Variants in ITPKB observed in about 807,000 individuals in gnomAD.
ITPKB encodes the protein inositol-trisphosphate 3-kinase B, also known as IP3 3-kinase B.
In ITPKB, 13 loss-of-function variants were observed where a neutral mutation model predicts 69.4. The observed-to-expected ratio is 0.19, with a 90% CI of 0.12 to 0.30. The LOEUF (loss-of-function observed/expected upper bound fraction) is 0.30. Ranked by LOEUF, ITPKB falls within the 10% of genes least tolerant of loss-of-function variation. The pLI, the probability that ITPKB is intolerant of heterozygous loss-of-function variation, is 1.00. For missense variants in ITPKB, 1,240 were observed against 1,250.5 expected (o/e 0.99, Z 0.13); for synonymous variants, 584 against 513.7 (o/e 1.14, Z -1.85).
Position 226,647,213 on chromosome 1 carries a change from C to A in ITPKB, c.2200G>T (p.Ala734Ser). The A allele has an allele frequency of 6.2e-7, 1 of 1,614,238 alleles. No individual in the cohort carries two copies. The highest frequency in any genetic ancestry group is 1.6e-4 in the Middle Eastern group (1 of 6,062). Residue 734 changes from alanine to serine, a missense_variant, in exon 4 of 8, where the codon GCC (alanine) becomes TCC (serine). This residue lies in a region of ITPKB where 248 missense variants were observed against 396.7 expected (regional missense o/e 0.63). Coordinates refer to ENST00000429204, the MANE Select transcript of ITPKB (RefSeq NM_002221.4). The part of the protein sequence containing the change: ...ERYNQMDDLL[A>S]DFDSPCVMDC... ...ATCACACAGGGCGAGTCGAAGTCGG[C>A]CAGCAGGTCGTCCATCTGGTTGTAG...
chr1:226,658,739 G>A (rs990550848), intron 2 of ITPKB, among the ~76,000 whole-genome samples: 9 of 152,096 alleles, frequency 5.9e-5, no homozygotes, highest in South Asian at 2.1e-4. Context: ...CTTCTCCCCC[G>A]CCCTTTATGG....
chr1:226,639,667 G>GA lies in ITPKB; in HGVS notation c.2452-10dup. Reference sequence around the variant, plus strand: ...ACGGTGCCGTCTTCTTTCTGAGAAAGAGAACACCCCACCCAGGAGGGGGTC... The same window carrying GA: ...ACGGTGCCGTCTTCTTTCTGAGAAAGAAGAACACCCCACCCAGGAGGGGGTC... On this transcript the variant is annotated splice_polypyrimidine_tract_variant and intron_variant, in intron 5 of 7. Transcript: ENST00000429204. 6.3e-7 allele frequency: 1 copy of GA among 1,594,718 alleles called. No individual in the cohort carries two copies. Among genetic ancestry groups the GA allele is most frequent in the Non-Finnish European group, 8.6e-7 (1 of 1,162,374 alleles).
intron 2 of ITPKB, among the ~76,000 whole-genome samples, chr1:226,696,126 T>C (rs1010190800): frequency 1.3e-5 from 2 of 152,220 alleles, no homozygotes; most frequent in African/African-American, 4.8e-5. Context: ...GAATTCACTA[T>C]GCTGGATTAA....
intron 2 of ITPKB, among the ~76,000 whole-genome samples, chr1:226,701,464 C>CGTG (rs1656635976): frequency 6.6e-6 from 1 of 151,248 alleles, no homozygotes; most frequent in African/African-American, 2.4e-5. Context: ...ATTAGCCGGG[C>CGTG]GTGGTGGTGG....
At chr1:226,639,734 A>G (rs915369505) in intron 5 of ITPKB, 76 bp from the exon 6 acceptor site, 63 of 959,272 alleles carry the variant, frequency 6.6e-5, no homozygotes, top group Non-Finnish European at 8.6e-5. Context: ...CCCACCCAAC[A>G]CCACAGAGCA....
chr1:226,712,024 C>A (rs1656972747), intron 2 of ITPKB, among the ~76,000 whole-genome samples: 1 of 152,164 alleles, frequency 6.6e-6, no homozygotes. Context: ...CCTCAGAGCT[C>A]CGGGAGAAGG....
rs149614831 is a variant in ITPKB, at chr1:226,636,130, C to T, written c.2626-1244G>A. Among the ~76,000 whole-genome samples, 380 of 152,320 alleles carry T rather than the reference C, an allele frequency of 2.5e-3. 3 individuals carry two copies. The highest frequency in any genetic ancestry group is 8.4e-3 in the African/African-American group (350 of 41,576). On this transcript the variant is annotated intron_variant, in intron 7 of 7. Transcript: ENST00000429204. ...CAGAAGTGTTGAAGAAGGGTGGGAA[C>T]GGCTTTGAGACAGAGCTCTGTGGCC... is the stretch of plus-strand genomic sequence containing the variant.
At chr1:226,697,897 G>A (rs1656533174) in intron 2 of ITPKB, among the ~76,000 whole-genome samples, 1 of 152,168 alleles carries the variant, frequency 6.6e-6, no homozygotes, top group African/African-American at 2.4e-5. Context: ...AAACCCCCTG[G>A]GGGCAGCCCG....
At chr1:226,707,720 A>G in intron 2 of ITPKB, 10 of 1,046,658 alleles carry the variant, frequency 9.6e-6, no homozygotes, top group Non-Finnish European at 1.1e-5. Flanking sequence ...TTCAAGGGAC[A>G]GTAAGACAAT....
chr1:226,707,073 A>G, intron 2 of ITPKB: 1 of 558,486 alleles, frequency 1.8e-6, no homozygotes, highest in Non-Finnish European at 2.3e-6. Flanking sequence ...CCAGTACCAT[A>G]TGGGCTCTAT....
intron 2 of ITPKB, among the ~76,000 whole-genome samples, chr1:226,690,920 G>A (rs775917608): frequency 7.2e-4 from 110 of 152,136 alleles, no homozygotes; most frequent in Non-Finnish European, 1.2e-3. Context: ...GCTACAACAG[G>A]GATGACCCTT....
chr1:226,737,309 G>C lies in ITPKB; in HGVS notation c.150C>G (p.Pro50=). Residue 50 remains proline, a synonymous_variant, in exon 2 of 8, where the codon CCC becomes CCG. Coordinates refer to ENST00000429204, the MANE Select transcript of ITPKB (RefSeq NM_002221.4). ...AVLSPGSVFS[P]GRGASFLFPP... ...GGAAGAGGAAAGAGGCGCCTCTCCC[G>C]GGGCTGAAAACGCTGCCGGGGCTCA... 4 of 1,581,608 alleles carry C rather than the reference G, an allele frequency of 2.5e-6. No individual in the cohort carries two copies. Among genetic ancestry groups the C allele is most frequent in the Non-Finnish European group, 3.4e-6 (4 of 1,170,588 alleles).
At chr1:226,698,666 A>G (rs1188827832) in intron 2 of ITPKB, among the ~76,000 whole-genome samples, 1 of 152,248 alleles carries the variant, frequency 6.6e-6, no homozygotes, top group Non-Finnish European at 1.5e-5. Context: ...CAGACTAGGA[A>G]GAGGACAGGC....
intron 6 of ITPKB, among the ~76,000 whole-genome samples, chr1:226,638,498 G>C (rs990861755): frequency 2.0e-5 from 3 of 152,192 alleles, no homozygotes; most frequent in Non-Finnish European, 4.4e-5. Context: ...AGGGGCTCCA[G>C]GGCCCGTGTC....
chr1:226,700,445 G>T (rs1052086973), intron 2 of ITPKB, among the ~76,000 whole-genome samples: 4 of 118,162 alleles, frequency 3.4e-5, no homozygotes, highest in African/African-American at 1.4e-4. Context: ...CTCCAGCCTG[G>T]CAACGGAGCA....
intron 3 of ITPKB, among the ~76,000 whole-genome samples, chr1:226,648,260 A>C (rs926330125): frequency 6.6e-6 from 1 of 152,346 alleles, no homozygotes; most frequent in African/African-American, 2.4e-5. Context: ...GACCATGGCA[A>C]TTTAGGCACA....
At chr1:226,722,249 G>A (rs1004004671) in intron 2 of ITPKB, among the ~76,000 whole-genome samples, 2 of 152,208 alleles carry the variant, frequency 1.3e-5, no homozygotes, top group Non-Finnish European at 2.9e-5. Flanking sequence ...AGCACAACAT[G>A]GATCCTTGGG....
rs1463560680 is a variant in ITPKB, at chr1:226,736,854, G to T, written c.605C>A (p.Thr202Lys). ...TGGACATTGCTCCCCCCAGGACTTT[G>T]TCCTCCGTTCCTCGCTCCGGGCGCC... ...VQGARSEERR[T>K]KSWGEQCPET... The change falls in exon 2 of 8, where the codon ACA becomes AAA. Residue 202 changes from threonine to lysine, a missense_variant. By Grantham distance (78) the Thr-to-Lys change is moderately conservative. Around this residue, in one of 2 missense-constraint regions of ITPKB, gnomAD observed 992 missense variants for 853.8 expected, o/e 1.16. Coordinates refer to ENST00000429204, the MANE Select transcript of ITPKB (RefSeq NM_002221.4). 3.7e-6 allele frequency: 6 copies of T among 1,611,988 alleles called. No individual in the cohort carries two copies. The highest frequency in any genetic ancestry group is 5.1e-6 in the Non-Finnish European group (6 of 1,180,022).
chr1:226,732,679 T>C lies in ITPKB; in HGVS notation c.1932+2848A>G, dbSNP rs184674602. On this transcript the variant is annotated intron_variant, in intron 2 of 7. Coordinates refer to ENST00000429204, the MANE Select transcript of ITPKB (RefSeq NM_002221.4). ...TGGTGTCTCAATGGTCCAGATTCTC[T>C]TAAACAGAATTATATAGGGAAGTAA... is the stretch of plus-strand genomic sequence containing the variant. 2.6e-5 allele frequency among the ~76,000 whole-genome samples: 4 copies of C among 152,288 alleles called. No homozygotes were observed. The East Asian group carries it at 5.8e-4, about 22-fold the overall frequency.
Sources: allele counts gnomAD v4.1 joint callset (sites outside exome capture counted in the v4.1 genomes callset), GRCh38; gene constraint gnomAD v4.1.1; regional missense constraint gnomAD v4.1.1; transcripts MANE v1.5; gene names NCBI Gene and HGNC (gene_info 2026-07-23, HGNC 2026-07-21).